IL18R1: variants seen among roughly 807,000 people sequenced by gnomAD.
IL18R1 encodes the protein interleukin-18 receptor 1.
Under a neutral mutation model 48.5 loss-of-function variants are expected in IL18R1, and 40 were observed. The observed-to-expected ratio is 0.82, with a 90% confidence interval of 0.64 to 1.07. IL18R1 has a LOEUF of 1.07. Ranked by LOEUF, IL18R1 falls within the 50% of genes least tolerant of loss-of-function variation. IL18R1 has a pLI of 0.00. For missense variants in IL18R1, 596 were observed against 633.7 expected, an observed-to-expected ratio of 0.94 and a Z score of 0.64; for synonymous variants, 232 against 225.9, an observed-to-expected ratio of 1.03 and a Z score of -0.24.
chr2:102,375,944 C>G lies in IL18R1; in HGVS notation c.506C>G (p.Pro169Arg). The change falls in exon 5 of 11, where the codon CCA becomes CGA. Residue 169 changes from proline to arginine, a missense_variant. This residue lies in a region of IL18R1 where 360 missense variants were observed against 339.4 expected (regional missense o/e 1.06). Coordinates refer to ENST00000233957, the MANE Select transcript of IL18R1 (RefSeq NM_003855.5). Reference protein sequence around the residue: ...KKLLLENNKNPTIKKNAEFED... With the variant: ...KKLLLENNKNRTIKKNAEFED... Reference sequence around the variant, plus strand: ...CTACTACTGGAGAACAATAAAAACCCAACGATAAAGAAGAACGCCGAGTTT... The same window carrying G: ...CTACTACTGGAGAACAATAAAAACCGAACGATAAAGAAGAACGCCGAGTTT... 2 of 1,600,218 alleles carry G rather than the reference C, an allele frequency of 1.2e-6. No individual in the cohort carries two copies. Among genetic ancestry groups the G allele is most frequent in the Non-Finnish European group, 1.7e-6 (2 of 1,175,362 alleles).
intron 4 of IL18R1, among the ~76,000 whole-genome samples, chr2:102,372,989 A>T (rs1428212000): frequency 6.6e-6 from 1 of 152,148 alleles, no homozygotes; most frequent in Non-Finnish European, 1.5e-5. Flanking sequence ...GAGCTCTGCC[A>T]ATTTTACCCC....
At chr2:102,379,565 G>A (rs1489011016) in intron 5 of IL18R1, among the ~76,000 whole-genome samples, 1 of 152,084 alleles carries the variant, frequency 6.6e-6, no homozygotes, top group African/African-American at 2.4e-5. Context: ...AATGTGACTG[G>A]ACAAAAGGGT....
In IL18R1 at chr2:102,395,665, T is replaced by G. The variant is rs571245356; in HGVS notation, c.1271-866T>G. ...ATTTATTCTGGGCCATACATCAATT[T>G]TACTATATTTCCGTTATTTTCTAGG... On this transcript the variant is annotated intron_variant, in intron 10 of 10. Coordinates refer to ENST00000233957, the MANE Select transcript of IL18R1 (RefSeq NM_003855.5). Among the ~76,000 whole-genome samples, 25 of 152,330 alleles carry G rather than the reference T, an allele frequency of 1.6e-4. No homozygotes were observed. In the South Asian group the frequency reaches 5.2e-3, roughly 32 times the overall value.
intron 2 of IL18R1, chr2:102,363,028 A>C (rs1372657556): frequency 5.0e-6 from 1 of 201,108 alleles, no homozygotes; most frequent in African/African-American, 2.3e-5. Context: ...GATTCATCTC[A>C]TTATTTAGGT....
intron 2 of IL18R1, among the ~76,000 whole-genome samples, chr2:102,363,278 C>CT (rs1212987637): frequency 6.6e-6 from 1 of 151,578 alleles, no homozygotes; most frequent in Non-Finnish European, 1.5e-5. Context: ...ATTCCTTAGG[C>CT]TTTGGGGGAG....
At chr2:102,365,105 T>C (rs1678811455) in intron 2 of IL18R1, among the ~76,000 whole-genome samples, 1 of 152,282 alleles carries the variant, frequency 6.6e-6, no homozygotes, top group African/African-American at 2.4e-5. Context: ...AATCATGCCC[T>C]TCTAACAGTC....
In IL18R1 at chr2:102,377,556, TCCC is replaced by T. The variant is rs769585661; in HGVS notation, c.625+1496_625+1498del. 1.4e-3 allele frequency among the ~76,000 whole-genome samples: 208 copies of T among 152,322 alleles called. 1 individual carries two copies. Among genetic ancestry groups the T allele is most frequent in the Non-Finnish European group, 2.3e-3 (159 of 68,036 alleles). ...TGGTCTCGATCTCCTGACCTCGTGA[TCCC>T]CCTGCCTTGGTCTCCCAAAGTACTG... is the stretch of plus-strand genomic sequence containing the variant. On this transcript the variant is annotated intron_variant, in intron 5 of 10. Transcript: ENST00000233957.
intron 2 of IL18R1, among the ~76,000 whole-genome samples, chr2:102,366,156 A>T (rs991886893): frequency 2.0e-5 from 3 of 152,044 alleles, no homozygotes; most frequent in Non-Finnish European, 2.9e-5. Context: ...CTCCTACCAC[A>T]TTCTCAAGCT....
intron 2 of IL18R1, among the ~76,000 whole-genome samples, chr2:102,364,886 A>C (rs889352616): frequency 5.3e-5 from 8 of 152,154 alleles, no homozygotes; most frequent in Middle Eastern, 3.2e-3. Context: ...TTATAAAAAC[A>C]TCAGATCTTA....
At chr2:102,391,791 A>AT (rs1419966463) in intron 9 of IL18R1, among the ~76,000 whole-genome samples, 44 of 152,298 alleles carry the variant, frequency 2.9e-4, no homozygotes, top group Non-Finnish European at 4.1e-4. Flanking sequence ...TTTAATTTGC[A>AT]TTTCCCTTAC....
chr2:102,379,804 T>C (rs1368083272), intron 5 of IL18R1, among the ~76,000 whole-genome samples: 1 of 152,200 alleles, frequency 6.6e-6, no homozygotes, highest in Non-Finnish European at 1.5e-5. Context: ...AAAAGGATTC[T>C]AGTTTTTATG....
intron 2 of IL18R1, among the ~76,000 whole-genome samples, chr2:102,366,220 GA>G (rs763469845): frequency 6.6e-6 from 1 of 152,072 alleles, no homozygotes; most frequent in Non-Finnish European, 1.5e-5. Flanking sequence ...TTGCTCTTTA[GA>G]AATTTCTTCT....
In IL18R1 at chr2:102,397,393, C is replaced by G. The variant is rs964131518; in HGVS notation, c.*507C>G. ...CATAGGATGTGGGAGGAGGGGCTGG[C>G]AGGGCCGCCTTCAGAGGCTGCAGGG... On this transcript the variant is annotated 3_prime_UTR_variant, in exon 11 of 11. Transcript: ENST00000233957. 2 of 153,270 alleles carry G rather than the reference C, an allele frequency of 1.3e-5. No homozygotes were observed. Among genetic ancestry groups the G allele is most frequent in the African/African-American group, 4.8e-5 (2 of 41,484 alleles). 9.5% of individuals were successfully genotyped at this position (153,270 alleles called of 1,614,324 possible). A position where few individuals can be genotyped will look rare whatever the true frequency, so the allele number is the denominator to read the frequency against.
chr2:102,361,918 G>C (rs1460555768), intron 1 of IL18R1, among the ~76,000 whole-genome samples: 2 of 152,214 alleles, frequency 1.3e-5, no homozygotes, highest in Admixed American at 6.5e-5. Flanking sequence ...TCAATGTAAA[G>C]GAGGGGTCTG....
intron 1 of IL18R1, among the ~76,000 whole-genome samples, chr2:102,359,877 A>C (rs1441227167): frequency 6.6e-6 from 1 of 152,260 alleles, no homozygotes; most frequent in African/African-American, 2.4e-5. Context: ...CGGTATTACC[A>C]TTCACCAGAC....
In IL18R1 at chr2:102,365,592, T is replaced by G. The variant is rs187140466; in HGVS notation, c.59-2233T>G. ...CTGGAGGATGGTGGCTTTCTTCTCT[T>G]AACTCCACTAGCTGTACTCCAGTGG... On this transcript the variant is annotated intron_variant, in intron 2 of 10. Coordinates refer to ENST00000233957, the MANE Select transcript of IL18R1 (RefSeq NM_003855.5). Among the ~76,000 whole-genome samples the G allele has an allele frequency of 4.6e-5, 7 of 152,256 alleles. No homozygotes were observed. The East Asian group carries it at 1.4e-3, about 29-fold the overall frequency.
At chr2:102,363,642 G>C (rs1046861732) in intron 2 of IL18R1, among the ~76,000 whole-genome samples, 2 of 152,160 alleles carry the variant, frequency 1.3e-5, no homozygotes, top group African/African-American at 4.8e-5. Flanking sequence ...TCATTATAAT[G>C]AGAGCATGTT....
intron 6 of IL18R1, among the ~76,000 whole-genome samples, chr2:102,384,326 C>G: frequency 6.6e-6 from 1 of 152,162 alleles, no homozygotes; most frequent in Middle Eastern, 3.2e-3. Flanking sequence ...ATTCTGCAAG[C>G]CTGTGCAGCT....
intron 5 of IL18R1, among the ~76,000 whole-genome samples, chr2:102,378,333 T>C (rs1175287426): frequency 1.3e-5 from 2 of 152,220 alleles, no homozygotes; most frequent in Non-Finnish European, 2.9e-5. Context: ...GGGACAGTAA[T>C]GGTTCATCCC....
Sources: allele counts gnomAD v4.1 joint callset (sites outside exome capture counted in the v4.1 genomes callset), GRCh38; gene constraint gnomAD v4.1.1; regional missense constraint gnomAD v4.1.1; transcripts MANE v1.5; gene names NCBI Gene and HGNC (gene_info 2026-07-23, HGNC 2026-07-21).